EPHB1: variants seen among roughly 807,000 people sequenced by gnomAD.
EPHB1 encodes ephrin type-B receptor 1.
EPHB1 carries 30 observed loss-of-function variants against 94.4 expected under a neutral mutation model. The ratio of observed to expected loss-of-function variants is 0.32; its 90% CI spans 0.24 to 0.43. The LOEUF (loss-of-function observed/expected upper bound fraction) is 0.43, where lower values mean the gene tolerates loss of function less well. EPHB1 is among the 20% of genes least tolerant of loss of function. The pLI, the probability that EPHB1 is intolerant of heterozygous loss-of-function variation, is 1.00. For synonymous variants in EPHB1, 522 were observed against 489.1 expected, an observed-to-expected ratio of 1.07 and a Z score of -0.89; for missense variants, 1,055 against 1,308.3, an observed-to-expected ratio of 0.81 and a Z score of 2.99.
chr3:134,925,679 G>C (rs2038775749), intron 1 of EPHB1, 137 bp from the exon 2 acceptor site: 2 of 660,462 alleles, frequency 3.0e-6, no homozygotes, highest in African/African-American at 3.7e-5. Flanking sequence ...AGAGAGACCT[G>C]GGCTTGAAGA....
intron 1 of EPHB1, among the ~76,000 whole-genome samples, chr3:134,884,185 C>T (rs2108313093): frequency 6.6e-6 from 1 of 152,318 alleles, no homozygotes; most frequent in African/African-American, 2.4e-5. Flanking sequence ...CAGTGTGAGT[C>T]ACCACTGGCT....
At chr3:134,981,979 A>C (rs887578311) in intron 3 of EPHB1, among the ~76,000 whole-genome samples, 1 of 152,188 alleles carries the variant, frequency 6.6e-6, no homozygotes, top group Admixed American at 6.5e-5. Flanking sequence ...TTTAACCCAC[A>C]CTACAGCTTT....
chr3:135,238,045 A>G (rs1405652470), intron 12 of EPHB1, among the ~76,000 whole-genome samples: 1 of 152,196 alleles, frequency 6.6e-6, no homozygotes, highest in African/African-American at 2.4e-5. Context: ...TCATCACTTG[A>G]TGATATTAAT....
intron 4 of EPHB1, among the ~76,000 whole-genome samples, chr3:135,108,163 G>T (rs1023569553): frequency 6.6e-6 from 1 of 152,078 alleles, no homozygotes; most frequent in Non-Finnish European, 1.5e-5. Flanking sequence ...GTCTGGAGGG[G>T]CCTCAGGTTT....
intron 3 of EPHB1, among the ~76,000 whole-genome samples, chr3:135,045,716 A>G (rs1001831283): frequency 1.3e-5 from 2 of 152,236 alleles, no homozygotes; most frequent in Admixed American, 6.5e-5. Flanking sequence ...TTAAGAGTTG[A>G]TATTAATGAA....
chr3:135,171,002 G>A (rs75044259), intron 9 of EPHB1, among the ~76,000 whole-genome samples: 1 of 152,156 alleles, frequency 6.6e-6, no homozygotes, highest in Non-Finnish European at 1.5e-5. Flanking sequence ...CTTTAGATTG[G>A]CAAACACCCT....
At chr3:135,094,486 GC>G (rs749942614) in intron 3 of EPHB1, among the ~76,000 whole-genome samples, 65 of 152,164 alleles carry the variant, frequency 4.3e-4, no homozygotes, top group Non-Finnish European at 6.9e-4. Context: ...CCTGTCGGCT[GC>G]CTCCTCCACA....
At chr3:135,030,200 G>A (rs968515701) in intron 3 of EPHB1, among the ~76,000 whole-genome samples, 2 of 151,926 alleles carry the variant, frequency 1.3e-5, no homozygotes, top group Non-Finnish European at 2.9e-5. Flanking sequence ...TAATTTGATC[G>A]TCTGAAGCCT....
intron 3 of EPHB1, among the ~76,000 whole-genome samples, chr3:134,953,564 C>G (rs1272797308): frequency 6.6e-6 from 1 of 152,232 alleles, no homozygotes; most frequent in East Asian, 1.9e-4. Context: ...GACCAAGGCA[C>G]CAGGCTGAGT....
intron 1 of EPHB1, among the ~76,000 whole-genome samples, chr3:134,907,448 C>T (rs2038356391): frequency 6.6e-6 from 1 of 152,208 alleles, no homozygotes; most frequent in African/African-American, 2.4e-5. Flanking sequence ...TTGTCTCTGG[C>T]CATTACCAGA....
At chr3:134,923,324 C>T (rs1418589315) in intron 1 of EPHB1, among the ~76,000 whole-genome samples, 1 of 152,150 alleles carries the variant, frequency 6.6e-6, no homozygotes, top group South Asian at 2.1e-4. Flanking sequence ...CAGGTAGGCC[C>T]ATCATGTTAA....
chr3:134,932,360 G>C (rs1482837408), intron 2 of EPHB1, among the ~76,000 whole-genome samples: 1 of 152,156 alleles, frequency 6.6e-6, no homozygotes, highest in African/African-American at 2.4e-5. Context: ...TCCCCCACCA[G>C]CTGCCCACCT....
intron 1 of EPHB1, among the ~76,000 whole-genome samples, chr3:134,824,875 G>A (rs942246952): frequency 1.3e-5 from 2 of 152,162 alleles, no homozygotes; most frequent in Non-Finnish European, 2.9e-5. Context: ...AGCCATGTGA[G>A]TGGGCCATTT....
rs146636091 is a variant in EPHB1, at chr3:134,932,977, G to A, written c.123+7097G>A. ...TGGACCTGATCGCGGATTGCTGGAAGCTATTCTCATTCTATGCTTTAGTAT... is the reference window on the plus strand; with the variant it reads ...TGGACCTGATCGCGGATTGCTGGAAACTATTCTCATTCTATGCTTTAGTAT... On this transcript the variant is annotated intron_variant, in intron 2 of 15. Transcript: ENST00000398015. Among the ~76,000 whole-genome samples the A allele has an allele frequency of 3.3e-3, 509 of 152,314 alleles. 3 individuals are homozygous for A. Among genetic ancestry groups the A allele is most frequent in the African/African-American group, 0.012 (482 of 41,562 alleles).
rs1170312816 is a variant in EPHB1 at position 134,804,069 on chromosome 3, CTATTTT to C, written c.58+8382_58+8387del. ...AGACCCCCACTGTGGTCATTATTGG[CTATTTT>C]TTTTTTTTTTTTTTTTTTTTTTTTT... On this transcript the variant is annotated intron_variant, in intron 1 of 15. Coordinates refer to ENST00000398015, the MANE Select transcript of EPHB1 (RefSeq NM_004441.5). Among the ~76,000 whole-genome samples the C allele has an allele frequency of 3.1e-3, 161 of 51,736 alleles. 1 individual carries two copies. The highest frequency in any genetic ancestry group is 0.021 in the South Asian group (44 of 2,126). 33.9% of individuals were successfully genotyped at this position (51,736 alleles called of 152,430 possible). A position where few individuals can be genotyped will look rare whatever the true frequency, so the allele number is the denominator to read the frequency against.
chr3:135,182,105 G>A (rs1875371), intron 10 of EPHB1, among the ~76,000 whole-genome samples: 57,785 of 151,936 alleles, frequency 0.38, 11,049 homozygotes, highest in Middle Eastern at 0.48. Context: ...ACTCCTGCAG[G>A]GAACCAATTT....
At chr3:135,109,381 A>T (rs1161708876) in intron 4 of EPHB1, among the ~76,000 whole-genome samples, 1 of 152,214 alleles carries the variant, frequency 6.6e-6, no homozygotes, top group Non-Finnish European at 1.5e-5. Flanking sequence ...TCACGACTTC[A>T]TAATAATGTA....
chr3:134,938,272 T>A (rs1173916443), intron 2 of EPHB1, among the ~76,000 whole-genome samples: 1 of 152,004 alleles, frequency 6.6e-6, no homozygotes, highest in Admixed American at 6.6e-5. Flanking sequence ...CTGGTGGAGG[T>A]TACAGTGCCC....
chr3:134,813,653 G>A (rs1258393804), intron 1 of EPHB1, among the ~76,000 whole-genome samples: 1 of 152,146 alleles, frequency 6.6e-6, no homozygotes, highest in East Asian at 1.9e-4. Context: ...AGCTTTTCTG[G>A]TTCTTGTTGC....
Sources: gnomAD v4.1 joint callset for allele counts (sites outside exome capture counted in the v4.1 genomes callset) on GRCh38, gnomAD v4.1.1 for gene constraint, MANE v1.5 for transcripts, NCBI Gene and HGNC (gene_info 2026-07-23, HGNC 2026-07-21) for gene names.